The following CDH20 variants were observed in gnomAD, a reference collection of about 807,000 sequenced individuals.
CDH20 encodes the protein cadherin-20.
Under a neutral mutation model 74.2 loss-of-function variants are expected in CDH20, and 29 were observed. That is an observed-to-expected ratio of 0.39 (90% CI 0.29 to 0.53). The LOEUF (loss-of-function observed/expected upper bound fraction) is 0.53, where lower values mean the gene tolerates loss of function less well. Among genes scored for constraint, CDH20 ranks in the 20% least tolerant of loss-of-function variants. CDH20 has a pLI of 0.69. For synonymous variants in CDH20, 469 were observed against 405.4 expected, an observed-to-expected ratio of 1.16 and a Z score of -1.88; for missense variants, 988 against 1,048.3, an observed-to-expected ratio of 0.94 and a Z score of 0.79.
At chr18:61,379,813 A>G (rs1911373297) in intron 1 of CDH20, among the ~76,000 whole-genome samples, 1 of 152,188 alleles carries the variant, frequency 6.6e-6, no homozygotes, top group African/African-American at 2.4e-5. Flanking sequence ...AACTATTACA[A>G]TTGAGAAACC....
chr18:61,368,267 T>A (rs1289710752), intron 1 of CDH20, among the ~76,000 whole-genome samples: 1 of 152,108 alleles, frequency 6.6e-6, no homozygotes, highest in Non-Finnish European at 1.5e-5. Flanking sequence ...AATAAGGATG[T>A]GGACACCTAG....
At chr18:61,445,646 A>G (rs919527066) in intron 1 of CDH20, among the ~76,000 whole-genome samples, 1 of 152,228 alleles carries the variant, frequency 6.6e-6, no homozygotes, top group African/African-American at 2.4e-5. Context: ...TGCTCTTTGG[A>G]CAACCACACT....
chr18:61,395,587 C>T (rs1436147333), intron 1 of CDH20, among the ~76,000 whole-genome samples: 1 of 152,156 alleles, frequency 6.6e-6, no homozygotes, highest in East Asian at 1.9e-4. Context: ...TTATCAACTC[C>T]AAAATCTGTA....
chr18:61,514,179 C>T (rs1911892920), intron 6 of CDH20, among the ~76,000 whole-genome samples: 1 of 151,608 alleles, frequency 6.6e-6, no homozygotes, highest in African/African-American at 2.4e-5. Context: ...TCCCATATTT[C>T]TTGGAGGCTT....
chr18:61,490,902 C>A, intron 2 of CDH20, 103 bp downstream of exon 2: 1 of 1,279,540 alleles, frequency 7.8e-7, no homozygotes, highest in Non-Finnish European at 1.1e-6. Context: ...CTGAGAAAAA[C>A]TAGAACAAGT....
At chr18:61,437,440 T>G (rs574980521) in intron 1 of CDH20, among the ~76,000 whole-genome samples, 37 of 152,144 alleles carry the variant, frequency 2.4e-4, no homozygotes, top group Non-Finnish European at 4.3e-4. Flanking sequence ...CTGTATAATA[T>G]ATGGAACTTA....
rs1910930902 is a variant in CDH20 at position 61,490,726 on chromosome 18, AGAG to A, written c.177_179del (p.Arg59del). 1 of 1,614,082 alleles carries A rather than the reference AGAG, an allele frequency of 6.2e-7. No individual in the cohort carries two copies. The highest frequency in any genetic ancestry group is 8.5e-7 in the Non-Finnish European group (1 of 1,180,046). On this transcript the variant is annotated inframe_deletion, in exon 2 of 12. Transcript: ENST00000262717. Reference sequence around the variant, plus strand: ...AAGCCACAGTCACATCAGCGGACCAAGAGGAGCTGGGTTTGGAACCAGTTTTTC... The same window carrying A: ...AAGCCACAGTCACATCAGCGGACCAAGAGCTGGGTTTGGAACCAGTTTTTC...
At chr18:61,514,154 G>C (rs1488215859) in intron 6 of CDH20, among the ~76,000 whole-genome samples, 1 of 151,778 alleles carries the variant, frequency 6.6e-6, no homozygotes, top group African/African-American at 2.4e-5. Flanking sequence ...ACGTAGATTT[G>C]GTCTTTTCAC....
intron 1 of CDH20, among the ~76,000 whole-genome samples, chr18:61,395,464 T>C (rs1334093643): frequency 6.6e-6 from 1 of 152,162 alleles, no homozygotes; most frequent in Non-Finnish European, 1.5e-5. Context: ...CTTCCATACA[T>C]GTGTGGATGA....
intron 1 of CDH20, among the ~76,000 whole-genome samples, chr18:61,448,735 T>C (rs1568143440): frequency 6.6e-6 from 1 of 152,204 alleles, no homozygotes; most frequent in Non-Finnish European, 1.5e-5. Context: ...CCTGCCAATT[T>C]GGTGACATTT....
rs1342718243 is a variant in CDH20 at position 61,501,851 on chromosome 18, A to G, written c.662-1102A>G. ...AGGAAGAGGGTAATGTGTCCTTTAT[A>G]TCCTAAGAAGAGTCTTAGATTATTT... On this transcript the variant is annotated intron_variant, in intron 4 of 11. Transcript: ENST00000262717. Among the ~76,000 whole-genome samples the G allele has an allele frequency of 3.3e-5, 5 of 152,296 alleles. No homozygotes were observed. In the East Asian group the frequency reaches 9.6e-4, roughly 29 times the overall value.
chr18:61,457,284 C>T (rs1227175691), intron 1 of CDH20, among the ~76,000 whole-genome samples: 1 of 152,070 alleles, frequency 6.6e-6, no homozygotes, highest in East Asian at 1.9e-4. Context: ...AGCTTAATCT[C>T]TCTTAATAAT....
intron 1 of CDH20, among the ~76,000 whole-genome samples, chr18:61,335,609 T>A (rs1214126429): frequency 6.6e-6 from 1 of 152,228 alleles, no homozygotes; most frequent in Non-Finnish European, 1.5e-5. Flanking sequence ...GACTTTGGCG[T>A]GACCTTTCTT....
chr18:61,469,549 T>C (rs1910090087), intron 1 of CDH20, among the ~76,000 whole-genome samples: 1 of 152,162 alleles, frequency 6.6e-6, no homozygotes, highest in Non-Finnish European at 1.5e-5. Flanking sequence ...AACCATCCTA[T>C]AGTGGGCAAC....
intron 6 of CDH20, among the ~76,000 whole-genome samples, chr18:61,511,885 G>C (rs1265820994): frequency 6.6e-6 from 1 of 152,152 alleles, no homozygotes; most frequent in Non-Finnish European, 1.5e-5. Flanking sequence ...TGAGCTGCCA[G>C]AAAATGGAAT....
intron 1 of CDH20, among the ~76,000 whole-genome samples, chr18:61,335,870 C>T (rs1909741275): frequency 6.6e-6 from 1 of 152,206 alleles, no homozygotes; most frequent in African/African-American, 2.4e-5. Context: ...AAAGTACAAA[C>T]ATAAAAATGA....
chr18:61,353,276 A>G lies in CDH20; in HGVS notation c.-153+19449A>G, dbSNP rs778332130. On this transcript the variant is annotated intron_variant, in intron 1 of 11. Transcript: ENST00000262717. The surrounding 1 kb of genome is among the most constrained non-coding windows in gnomAD (Gnocchi z 4.6). ...TCTTGCATGATACACACCAATACAC[A>G]TTCTTTCCTTTGTTCTTATACTTCT... Among the ~76,000 whole-genome samples, 2 of 152,080 alleles carry G rather than the reference A, an allele frequency of 1.3e-5. No individual in the cohort carries two copies. Among genetic ancestry groups the G allele is most frequent in the Non-Finnish European group, 2.9e-5 (2 of 68,012 alleles).
intron 1 of CDH20, among the ~76,000 whole-genome samples, chr18:61,411,580 G>GTGTATATATATA (rs1385732655): frequency 6.7e-6 from 1 of 149,842 alleles, no homozygotes; most frequent in African/African-American, 2.5e-5. Flanking sequence ...GTGTGTGTGT[G>GTGTATATATATA]TATATATATA....
chr18:61,472,027 T>C (rs968400458), intron 1 of CDH20, among the ~76,000 whole-genome samples: 2 of 152,140 alleles, frequency 1.3e-5, no homozygotes, highest in African/African-American at 2.4e-5. Flanking sequence ...GCTCTTACTG[T>C]ACAAGGCTGC....
Sources: allele counts gnomAD v4.1 joint callset (sites outside exome capture counted in the v4.1 genomes callset), GRCh38; gene constraint gnomAD v4.1.1; non-coding constraint Gnocchi (gnomAD v3.1); transcripts MANE v1.5; gene names NCBI Gene and HGNC (gene_info 2026-07-23, HGNC 2026-07-21).